DEAF1: variants seen among roughly 807,000 people sequenced by gnomAD.
DEAF1 encodes the protein deformed epidermal autoregulatory factor 1 homolog.
In DEAF1, 53 loss-of-function variants were observed where a neutral mutation model predicts 58.9. The observed-to-expected ratio is 0.90, with a 90% confidence interval of 0.72 to 1.13. The LOEUF is 1.13. Ranked by LOEUF, DEAF1 falls within the 50% of genes most tolerant of loss-of-function variation. The pLI, the probability that DEAF1 is intolerant of heterozygous loss-of-function variation, is 0.00. For missense variants in DEAF1, 685 were observed against 791.4 expected (o/e 0.87, Z 1.61); for synonymous variants, 385 against 340.4 (o/e 1.13, Z -1.44).
At chr11:669,076 C>T (rs1192766787) in intron 10 of DEAF1, among the ~76,000 whole-genome samples, 5 of 150,788 alleles carry the variant, frequency 3.3e-5, no homozygotes, top group African/African-American at 1.2e-4. Context: ...CTGCCCGCCT[C>T]GGCCTCCCAA....
chr11:671,130 A>G (rs1039543196), intron 10 of DEAF1, among the ~76,000 whole-genome samples: 12 of 151,398 alleles, frequency 7.9e-5, no homozygotes, highest in Non-Finnish European at 1.6e-4. Flanking sequence ...GGGTTTCACC[A>G]TGTTAGCCAG....
chr11:676,587 A>C (rs978182199), intron 9 of DEAF1, among the ~76,000 whole-genome samples: 1 of 151,736 alleles, frequency 6.6e-6, no homozygotes, highest in African/African-American at 2.4e-5. Flanking sequence ...ATCTTGGCTC[A>C]CTGCCCTCCC....
chr11:667,402 G>GGGAGGGAA (rs1469256167), intron 10 of DEAF1, among the ~76,000 whole-genome samples: 1 of 146,186 alleles, frequency 6.8e-6, no homozygotes, highest in South Asian at 2.2e-4. Context: ...GAGGGAGGGA[G>GGGAGGGAA]GGAGGGAAGG....
chr11:654,779 G>C (rs1858966140), intron 10 of DEAF1: 1 of 389,060 alleles, frequency 2.6e-6, no homozygotes, highest in Admixed American at 2.8e-5. Context: ...TGAGGTGGGA[G>C]AATAGCTTGC....
chr11:679,932 G>A (rs2133381084), intron 7 of DEAF1, 116 bp from the exon 8 acceptor site: 2 of 1,418,818 alleles, frequency 1.4e-6, no homozygotes, highest in Non-Finnish European at 1.9e-6. Flanking sequence ...GGCGGGCAGT[G>A]GTAACTGTAC....
intron 10 of DEAF1, chr11:674,258 A>AC (rs1283605019): frequency 2.2e-6 from 1 of 455,442 alleles, no homozygotes; most frequent in Non-Finnish European, 4.1e-6. Context: ...TGCCTAGAAA[A>AC]GGTGAGTATT....
At chr11:673,130 T>C (rs932200466) in intron 10 of DEAF1, among the ~76,000 whole-genome samples, 2 of 151,190 alleles carry the variant, frequency 1.3e-5, no homozygotes, top group Non-Finnish European at 3.0e-5. Flanking sequence ...GCCTGGGTGA[T>C]GGAGCGAGAC....
intron 11 of DEAF1, among the ~76,000 whole-genome samples, chr11:645,707 G>A (rs1858459847): frequency 6.6e-6 from 1 of 152,178 alleles, no homozygotes; most frequent in African/African-American, 2.4e-5. Context: ...GTGCCTGGGA[G>A]AAGCCACAGC....
intron 10 of DEAF1, among the ~76,000 whole-genome samples, chr11:660,199 G>C (rs1326829589): frequency 6.6e-6 from 1 of 152,218 alleles, no homozygotes; most frequent in Non-Finnish European, 1.5e-5. Context: ...ACATCAAGCA[G>C]GTTTATCTGA....
chr11:700,571 C>T (rs1861405046), intron 1 of DEAF1: 2 of 1,469,436 alleles, frequency 1.4e-6, no homozygotes, highest in Non-Finnish European at 9.5e-7. Context: ...GCTGCTGCTG[C>T]TGTGCCAGGT....
chr11:659,295 A>G (rs1196173073), intron 10 of DEAF1, among the ~76,000 whole-genome samples: 2 of 151,310 alleles, frequency 1.3e-5, no homozygotes, highest in Non-Finnish European at 2.9e-5. Context: ...AGAGAGGCTG[A>G]GGTGGGAGGA....
chr11:676,963 T>C (rs1418068185), intron 9 of DEAF1, among the ~76,000 whole-genome samples: 2 of 152,198 alleles, frequency 1.3e-5, no homozygotes, highest in Non-Finnish European at 2.9e-5. Flanking sequence ...TTCTGACTTC[T>C]GCCCACCAAG....
At position 678,804 on chromosome 11, in the gene DEAF1, T is replaced by C. The variant is rs1285032190; in HGVS notation, c.1145A>G (p.Gln382Arg). The C allele has an allele frequency of 1.9e-6, 3 of 1,613,996 alleles. No individual in the cohort carries two copies. Among genetic ancestry groups the C allele is most frequent in the Non-Finnish European group, 2.5e-6 (3 of 1,179,986 alleles). ...AGATVQEASVQPPCRASHPEP... is the reference protein window; with the variant it reads ...AGATVQEASVRPPCRASHPEP... ...AGGGTGGCTGGCCCTGCATGGGGGCTGCACGCTGGCCTCTTGGACTGTTGG... is the reference window on the plus strand; with the variant it reads ...AGGGTGGCTGGCCCTGCATGGGGGCCGCACGCTGGCCTCTTGGACTGTTGG... Residue 382 changes from glutamine (Q) to arginine (R), a missense_variant, in exon 9 of 12, where the codon CAG becomes CGG. Physicochemically the swap from Gln to Arg is conservative, Grantham distance 43 (BLOSUM62 1). Transcript: ENST00000382409.
chr11:698,907 C>G, upstream of DEAF1: 1 of 1,614,066 alleles, frequency 6.2e-7, no homozygotes, highest in Non-Finnish European at 8.5e-7. Flanking sequence ...CTGCGTGCCC[C>G]TCCAGGACAG....
chr11:658,478 G>A (rs1589980206), intron 10 of DEAF1, among the ~76,000 whole-genome samples: 1 of 152,252 alleles, frequency 6.6e-6, no homozygotes, highest in African/African-American at 2.4e-5. Flanking sequence ...GTGTGTGTGC[G>A]TTGCAGAAGG....
intron 10 of DEAF1, 100 bp from the exon 11 acceptor site, chr11:654,151 C>T: frequency 1.3e-6 from 1 of 757,720 alleles, no homozygotes; most frequent in Non-Finnish European, 2.2e-6. Context: ...CCCAAGTTCC[C>T]CCCATTGGAC....
intron 2 of DEAF1, among the ~76,000 whole-genome samples, chr11:690,168 GTGAGT>G (rs71022952): frequency 0.26 from 33,960 of 131,694 alleles, 4,900 homozygotes; most frequent in Non-Finnish European, 0.31. Flanking sequence ...GGAGGTTGCA[GTGAGT>G]TGAGATCACT....
chr11:704,501 G>A (rs1450954780), intron 1 of DEAF1: 124 of 1,289,092 alleles, frequency 9.6e-5, no homozygotes, highest in South Asian at 1.5e-4. Context: ...GCGCCTGAGC[G>A]CCTCGGGCCA....
intron 10 of DEAF1, among the ~76,000 whole-genome samples, chr11:668,794 C>T (rs1859670415): frequency 6.6e-6 from 1 of 152,144 alleles, no homozygotes; most frequent in Non-Finnish European, 1.5e-5. Flanking sequence ...TGTACTCCAG[C>T]CTGGGTGACA....
Sources: gnomAD v4.1 joint callset for allele counts (sites outside exome capture counted in the v4.1 genomes callset) on GRCh38, gnomAD v4.1.1 for gene constraint, MANE v1.5 for transcripts, NCBI Gene and HGNC (gene_info 2026-07-23, HGNC 2026-07-21) for gene names.